Variants in NTM observed in about 807,000 individuals in gnomAD.
The protein encoded by NTM is IgLON family member 2.
In NTM, 13 loss-of-function variants were observed where a neutral mutation model predicts 42.1. That is an observed-to-expected ratio of 0.31 (90% CI 0.20 to 0.49). The LOEUF (loss-of-function observed/expected upper bound fraction) is 0.49, where lower values mean the gene tolerates loss of function less well. Among genes scored for constraint, NTM ranks in the 20% least tolerant of loss-of-function variants. The pLI is 0.99. For synonymous variants in NTM, 187 were observed against 179.2 expected (o/e 1.04, Z -0.35); for missense variants, 373 against 452.8 (o/e 0.82, Z 1.60).
At chr11:131,712,823 T>A (rs1420366491) in intron 1 of NTM, among the ~76,000 whole-genome samples, 2 of 151,524 alleles carry the variant, frequency 1.3e-5, no homozygotes, top group Non-Finnish European at 2.9e-5. Flanking sequence ...GTTCAAACAA[T>A]CCACCCACCT....
chr11:131,857,559 C>G (rs1159153355), intron 1 of NTM, among the ~76,000 whole-genome samples: 1 of 152,160 alleles, frequency 6.6e-6, no homozygotes, highest in East Asian at 1.9e-4. Flanking sequence ...TTTGCGTGTT[C>G]ACACGTCTTT....
intron 2 of NTM, among the ~76,000 whole-genome samples, chr11:131,979,285 T>C (rs1401183958): frequency 6.6e-6 from 1 of 152,148 alleles, no homozygotes; most frequent in African/African-American, 2.4e-5. Context: ...AAAAAATCAA[T>C]CCATCTCCCT....
intron 3 of NTM, among the ~76,000 whole-genome samples, chr11:132,162,038 G>C (rs932097159): frequency 2.6e-5 from 4 of 152,188 alleles, no homozygotes; most frequent in Admixed American, 2.0e-4. Flanking sequence ...CTAGGTTTCA[G>C]GTGTCTTTCT....
intron 3 of NTM, among the ~76,000 whole-genome samples, chr11:132,174,157 T>G (rs2076473113): frequency 6.6e-6 from 1 of 152,196 alleles, no homozygotes; most frequent in African/African-American, 2.4e-5. Context: ...CAACACTGTT[T>G]ATTAGCAAAA....
At chr11:131,948,273 G>C (rs954240469) in intron 2 of NTM, among the ~76,000 whole-genome samples, 1 of 151,818 alleles carries the variant, frequency 6.6e-6, no homozygotes, top group Non-Finnish European at 1.5e-5. Context: ...GCTGAGGCAG[G>C]AGAATGGTGT....
intron 2 of NTM, among the ~76,000 whole-genome samples, chr11:132,030,418 A>G (rs1468564004): frequency 6.6e-6 from 1 of 152,192 alleles, no homozygotes; most frequent in Non-Finnish European, 1.5e-5. Flanking sequence ...TTATTTAATT[A>G]CTCACCAGAC....
rs1566567501 is a variant in NTM, at chr11:132,245,907, T to G, written c.526+33760T>G. Among the ~76,000 whole-genome samples, 4 of 151,908 alleles carry G rather than the reference T, an allele frequency of 2.6e-5. 1 individual carries two copies. Among genetic ancestry groups the G allele is most frequent in the African/African-American group, 9.7e-5 (4 of 41,336 alleles). On this transcript the variant is annotated intron_variant, in intron 4 of 8. Transcript: ENST00000683400. ...CTCGGGGAGCCAAGGCCAGTAGGAG[T>G]AGAAAGCCCGCAGGATTTGATCTTC...
intron 2 of NTM, among the ~76,000 whole-genome samples, chr11:132,110,756 C>T (rs1055995802): frequency 9.9e-5 from 15 of 151,796 alleles, no homozygotes; most frequent in Admixed American, 7.2e-4. Flanking sequence ...AAACTTAGGC[C>T]AAGCATGGTG....
chr11:131,382,974 C>A (rs759717314), intron 1 of NTM, among the ~76,000 whole-genome samples: 4 of 152,162 alleles, frequency 2.6e-5, no homozygotes, highest in Non-Finnish European at 4.4e-5. Context: ...GTTCCTCTCA[C>A]AAAATAACTG....
At chr11:131,717,369 T>C (rs1364814008) in intron 1 of NTM, among the ~76,000 whole-genome samples, 1 of 152,208 alleles carries the variant, frequency 6.6e-6, no homozygotes, top group Non-Finnish European at 1.5e-5. Context: ...ATTAGTTTAG[T>C]ATATGTCTCT....
chr11:131,819,751 C>T (rs886738041), intron 1 of NTM, among the ~76,000 whole-genome samples: 6 of 152,156 alleles, frequency 3.9e-5, no homozygotes, highest in South Asian at 2.1e-4. Flanking sequence ...CGTCCGTGTT[C>T]GGGGCTGTGA....
intron 2 of NTM, among the ~76,000 whole-genome samples, chr11:132,037,541 G>A (rs538635707): frequency 6.6e-6 from 1 of 152,302 alleles, no homozygotes; most frequent in South Asian, 2.1e-4. Flanking sequence ...AAGTTGACCT[G>A]CGAGAAGAGT....
chr11:131,395,561 C>T (rs1944458339), intron 1 of NTM, among the ~76,000 whole-genome samples: 1 of 152,160 alleles, frequency 6.6e-6, no homozygotes, highest in Admixed American at 6.5e-5. Flanking sequence ...ATAATTAATG[C>T]TCAGAAACCT....
chr11:132,080,243 G>A (rs115236021), intron 2 of NTM, among the ~76,000 whole-genome samples: 1,710 of 152,268 alleles, frequency 0.011, 38 homozygotes, highest in African/African-American at 0.04. Flanking sequence ...AACTGAAAGT[G>A]AGCTTACAGC....
At chr11:131,492,375 T>C (rs1338109757) in intron 1 of NTM, among the ~76,000 whole-genome samples, 2 of 147,066 alleles carry the variant, frequency 1.4e-5, no homozygotes, top group Non-Finnish European at 3.0e-5. Context: ...TCTCACATTG[T>C]GTATTAATAA....
At chr11:131,635,859 C>A (rs763051195) in intron 1 of NTM, among the ~76,000 whole-genome samples, 3 of 152,122 alleles carry the variant, frequency 2.0e-5, no homozygotes, top group Non-Finnish European at 4.4e-5. Context: ...TTCTTTTATA[C>A]TCTATTTTTA....
At chr11:131,531,405 C>T (rs1276278398) in intron 1 of NTM, among the ~76,000 whole-genome samples, 1 of 152,204 alleles carries the variant, frequency 6.6e-6, no homozygotes, top group Admixed American at 6.5e-5. Flanking sequence ...GCCTCAGACT[C>T]CTGAAGTGCC....
At chr11:132,325,179 T>G (rs2095652651) in intron 7 of NTM, among the ~76,000 whole-genome samples, 1 of 152,082 alleles carries the variant, frequency 6.6e-6, no homozygotes, top group African/African-American at 2.4e-5. Context: ...TAGGATCTAA[T>G]TAAACTAAAG....
In NTM at chr11:132,002,591, A is replaced by G. The variant is rs938143682; in HGVS notation, c.167+90943A>G. On this transcript the variant is annotated intron_variant, in intron 2 of 8. Transcript: ENST00000683400. The surrounding 1 kb of genome is among the most constrained non-coding windows in gnomAD (Gnocchi z 4.5). ...GGAGGCTTCTGGCCATTGCTTGAAT[A>G]ACTTTCTGCCTCTAGTATCCCCAAA... Among the ~76,000 whole-genome samples the G allele has an allele frequency of 6.6e-6, 1 of 152,198 alleles. No individual in the cohort carries two copies. The highest frequency in any genetic ancestry group is 2.4e-5 in the African/African-American group (1 of 41,446).
Sources: gnomAD v4.1 joint callset for allele counts (sites outside exome capture counted in the v4.1 genomes callset) on GRCh38, gnomAD v4.1.1 for gene constraint, Gnocchi (gnomAD v3.1) non-coding constraint, MANE v1.5 for transcripts, NCBI Gene and HGNC (gene_info 2026-07-23, HGNC 2026-07-21) for gene names.